Variants in EPHA4 observed in about 807,000 individuals in gnomAD.
The protein encoded by EPHA4 is ephrin type-A receptor 4.
EPHA4 carries 19 observed loss-of-function variants against 108.3 expected under a neutral mutation model. The ratio of observed to expected loss-of-function variants is 0.18; its 90% confidence interval spans 0.12 to 0.26. The LOEUF (loss-of-function observed/expected upper bound fraction) is 0.26. Ranked by LOEUF, EPHA4 falls within the 10% of genes least tolerant of loss-of-function variation. The pLI is 1.00. For synonymous variants in EPHA4, 449 were observed against 455.5 expected, an observed-to-expected ratio of 0.99 and a Z score of 0.18; for missense variants, 917 against 1,254.0, an observed-to-expected ratio of 0.73 and a Z score of 4.06.
intron 3 of EPHA4, among the ~76,000 whole-genome samples, chr2:221,527,334 C>A (rs757217901): frequency 6.6e-6 from 1 of 152,134 alleles, no homozygotes; most frequent in Non-Finnish European, 1.5e-5. Flanking sequence ...CCTGCCGAGT[C>A]TCTCATCAGA....
intron 3 of EPHA4, among the ~76,000 whole-genome samples, chr2:221,539,159 G>A (rs1328301672): frequency 6.6e-6 from 1 of 152,102 alleles, no homozygotes; most frequent in Non-Finnish European, 1.5e-5. Context: ...AGGAGTAAGC[G>A]CTAATATTGA....
At chr2:221,483,140 T>A (rs1054956357) in intron 4 of EPHA4, among the ~76,000 whole-genome samples, 1 of 152,198 alleles carries the variant, frequency 6.6e-6, no homozygotes, top group African/African-American at 2.4e-5. Context: ...ATGTCATCAA[T>A]AGCAAATAAA....
intron 17 of EPHA4, 92 bp from the exon 18 acceptor site, chr2:221,420,644 C>T (rs769501294): frequency 1.3e-4 from 20 of 152,140 alleles, no homozygotes; most frequent in Non-Finnish European, 2.5e-4. Context: ...TATATAGGTT[C>T]GTAGAAGTTG....
At chr2:221,573,928 G>C (rs1023362190), upstream of EPHA4, 2 of 152,208 alleles carry the variant, frequency 1.3e-5, no homozygotes, top group Non-Finnish European at 2.9e-5. The surrounding 1 kb of genome is among the most constrained non-coding windows in gnomAD (Gnocchi z 4.5). Flanking sequence ...AGATGGAATC[G>C]GAAAGCGTTT....
intron 3 of EPHA4, among the ~76,000 whole-genome samples, chr2:221,550,868 T>C (rs1694139545): frequency 2.0e-5 from 3 of 151,924 alleles, no homozygotes; most frequent in Non-Finnish European, 1.5e-5. Context: ...ATATATTAGA[T>C]CTCATAAATA....
At chr2:221,443,060 A>G in intron 10 of EPHA4, 46 bp from the exon 11 acceptor site, 1 of 930,774 alleles carries the variant, frequency 1.1e-6, no homozygotes, top group Non-Finnish European at 1.5e-6. Flanking sequence ...AACACATTCA[A>G]GATGAAAGAA....
chr2:221,560,928 G>A (rs545085031), intron 3 of EPHA4, among the ~76,000 whole-genome samples: 1 of 152,242 alleles, frequency 6.6e-6, no homozygotes, highest in East Asian at 1.9e-4. Context: ...AAGACTTTTA[G>A]AGTCTCAAGT....
At chr2:221,499,824 C>G (rs1350123067) in intron 4 of EPHA4, among the ~76,000 whole-genome samples, 1 of 133,526 alleles carries the variant, frequency 7.5e-6, no homozygotes, top group East Asian at 2.3e-4. Flanking sequence ...ATGGTGCGAT[C>G]TCGCCTCTCT....
At position 221,527,080 on chromosome 2, in the gene EPHA4, C is replaced by T. The variant is rs182968794; in HGVS notation, c.824-25908G>A. ...CGGAGCTTGCAGTGAGCCGAGATCG[C>T]GCCACTGCACTCCATCCTGGGCAAC... On this transcript the variant is annotated intron_variant, in intron 3 of 17. Transcript: ENST00000281821. 2.0e-4 allele frequency among the ~76,000 whole-genome samples: 30 copies of T among 151,970 alleles called. No homozygotes were observed. The East Asian group carries it at 4.3e-3, about 22-fold the overall frequency.
At chr2:221,525,883 T>C (rs1054907786) in intron 3 of EPHA4, among the ~76,000 whole-genome samples, 2 of 152,188 alleles carry the variant, frequency 1.3e-5, no homozygotes, top group Non-Finnish European at 2.9e-5. Flanking sequence ...AGAAATAATG[T>C]ATAATTCTTT....
At chr2:221,519,317 T>A (rs766951090) in intron 3 of EPHA4, among the ~76,000 whole-genome samples, 1 of 152,100 alleles carries the variant, frequency 6.6e-6, no homozygotes, top group Non-Finnish European at 1.5e-5. Flanking sequence ...CAAGTCCAAG[T>A]TTTCTCGTCG....
chr2:221,534,130 C>T (rs1228102928), intron 3 of EPHA4, among the ~76,000 whole-genome samples: 1 of 152,156 alleles, frequency 6.6e-6, no homozygotes, highest in Non-Finnish European at 1.5e-5. Flanking sequence ...TGAAGGATAA[C>T]AGATGAGATT....
intron 3 of EPHA4, among the ~76,000 whole-genome samples, chr2:221,546,869 A>G (rs990219648): frequency 1.1e-4 from 16 of 152,240 alleles, no homozygotes; most frequent in Non-Finnish European, 5.9e-5. Flanking sequence ...CTGTTAAAAT[A>G]ATGCTGCCTC....
At chr2:221,526,966 C>CA (rs71050341) in intron 3 of EPHA4, among the ~76,000 whole-genome samples, 81,158 of 133,930 alleles carry the variant, frequency 0.61, 23,487 homozygotes, top group African/African-American at 0.72. Context: ...ACTAAAAATA[C>CA]AAAAAAAAAA....
intron 8 of EPHA4, among the ~76,000 whole-genome samples, chr2:221,454,028 T>A (rs527808070): frequency 6.6e-6 from 1 of 151,848 alleles, no homozygotes; most frequent in African/African-American, 2.4e-5. Context: ...AATACAAAAA[T>A]TAGCTGCCAG....
At chr2:221,456,847 A>T (rs1161262662) in intron 6 of EPHA4, 75 bp from the exon 7 acceptor site, 1 of 1,548,518 alleles carries the variant, frequency 6.5e-7, no homozygotes, top group Non-Finnish European at 8.9e-7. Flanking sequence ...GCAATATTAA[A>T]GGAGTCAAGC....
chr2:221,437,760 A>AAAAAAG (rs1244495839), intron 11 of EPHA4, among the ~76,000 whole-genome samples: 2 of 151,004 alleles, frequency 1.3e-5, no homozygotes, highest in Non-Finnish European at 3.0e-5. Context: ...AAAAATACAA[A>AAAAAAG]AAAAAAAAAA....
At position 221,564,219 on chromosome 2, in the gene EPHA4, G is replaced by A. The variant is rs1255538022; in HGVS notation, c.335C>T (p.Pro112Leu). The change falls in exon 3 of 18, where the codon CCG (proline) becomes CTG (leucine). Residue 112 changes from proline to leucine, a missense_variant. Around this residue, in one of 3 missense-constraint regions of EPHA4, gnomAD observed 758 missense variants for 1,076.7 expected, o/e 0.70. Transcript: ENST00000281821. ...CTCCTTGCAAGTCCCCATGACGCCC[G>A]GAAGACTATTGCAGTCCCTCAAGGT... ...KFTLRDCNSL[P>L]GVMGTCKETF... 3.1e-6 allele frequency: 5 copies of A among 1,613,944 alleles called. No homozygotes were observed. The highest frequency in any genetic ancestry group is 1.3e-5 in the African/African-American group (1 of 74,896).
At chr2:221,503,800 T>C (rs1362623927) in intron 3 of EPHA4, among the ~76,000 whole-genome samples, 1 of 152,224 alleles carries the variant, frequency 6.6e-6, no homozygotes, top group African/African-American at 2.4e-5. Context: ...GTTATTAATA[T>C]TTCAGGATTC....
Sources: gnomAD v4.1 joint callset for allele counts (sites outside exome capture counted in the v4.1 genomes callset) on GRCh38, gnomAD v4.1.1 for gene constraint, gnomAD v4.1.1 regional missense constraint, Gnocchi (gnomAD v3.1) non-coding constraint, MANE v1.5 for transcripts, NCBI Gene and HGNC (gene_info 2026-07-23, HGNC 2026-07-21) for gene names.